The following RIT2 variants were observed in gnomAD, a reference collection of about 807,000 sequenced individuals.
The protein encoded by RIT2 is GTP-binding protein Rit2.
Under a neutral mutation model 23.7 loss-of-function variants are expected in RIT2, and 24 were observed. The ratio of observed to expected loss-of-function variants is 1.01; its 90% CI spans 0.73 to 1.43. The LOEUF is 1.43. Among genes scored for constraint, RIT2 ranks in the 40% most tolerant of loss-of-function variants. RIT2 has a pLI of 0.00. For synonymous variants in RIT2, 107 were observed against 91.1 expected (o/e 1.17, Z -0.99); for missense variants, 236 against 266.9 (o/e 0.88, Z 0.81).
intron 3 of RIT2, among the ~76,000 whole-genome samples, chr18:42,935,878 T>C (rs1909442640): frequency 6.6e-6 from 1 of 152,146 alleles, no homozygotes. Flanking sequence ...CTATCCACTA[T>C]GCGGATGAAG....
At chr18:42,888,839 T>C (rs1278383069) in intron 4 of RIT2, among the ~76,000 whole-genome samples, 2 of 152,070 alleles carry the variant, frequency 1.3e-5, no homozygotes, top group South Asian at 2.1e-4. Flanking sequence ...TGTTCTCACT[T>C]GTAATTGGGA....
At chr18:42,755,151 T>C (rs1453631355) in intron 4 of RIT2, among the ~76,000 whole-genome samples, 2 of 152,172 alleles carry the variant, frequency 1.3e-5, no homozygotes, top group Non-Finnish European at 2.9e-5. Flanking sequence ...GTCTGTTCAC[T>C]GTCTGAAAAA....
At chr18:43,075,487 G>A (rs992688954) in intron 1 of RIT2, among the ~76,000 whole-genome samples, 10 of 152,150 alleles carry the variant, frequency 6.6e-5, no homozygotes, top group East Asian at 3.9e-4. Flanking sequence ...GAGAGGCTTC[G>A]ATACAACCAG....
intron 4 of RIT2, among the ~76,000 whole-genome samples, chr18:42,810,181 A>T (rs1239880467): frequency 6.6e-6 from 1 of 151,092 alleles, no homozygotes; most frequent in Non-Finnish European, 1.5e-5. Context: ...ATTATTTAAG[A>T]ATTGTAAGGT....
chr18:43,039,550 G>A (rs1166431608), intron 1 of RIT2, among the ~76,000 whole-genome samples: 1 of 151,948 alleles, frequency 6.6e-6, no homozygotes, highest in Non-Finnish European at 1.5e-5. Flanking sequence ...GTTTCTCCGT[G>A]TTGGTCAGGC....
chr18:42,932,851 G>GT (rs5824458), intron 3 of RIT2, among the ~76,000 whole-genome samples: 60,369 of 150,686 alleles, frequency 0.4, 15,557 homozygotes, highest in Non-Finnish European at 0.58. Context: ...TATTCTTCCT[G>GT]TTTTTTTTTA....
At chr18:43,095,706 A>G (rs891360707) in intron 1 of RIT2, among the ~76,000 whole-genome samples, 3 of 152,010 alleles carry the variant, frequency 2.0e-5, no homozygotes, top group Non-Finnish European at 4.4e-5. Flanking sequence ...TATCTGCAGT[A>G]TAACTGCACT....
In RIT2 at chr18:43,110,451, C is replaced by T. The variant is rs147358767; in HGVS notation, c.103+4966G>A. 9.9e-3 allele frequency among the ~76,000 whole-genome samples: 1,506 copies of T among 152,218 alleles called. 10 individuals are homozygous for T. The highest frequency in any genetic ancestry group is 0.014 in the Admixed American group (217 of 15,284). ...CCAAGGAAGACAATATTTCATCATG[C>T]TCTGGCATTGAGGAACGGCCTTGCT... is the stretch of plus-strand genomic sequence containing the variant. On this transcript the variant is annotated intron_variant, in intron 1 of 4. Coordinates refer to ENST00000326695, the MANE Select transcript of RIT2 (RefSeq NM_002930.4).
At chr18:43,013,922 G>A (rs973207088) in intron 2 of RIT2, among the ~76,000 whole-genome samples, 6 of 151,714 alleles carry the variant, frequency 4.0e-5, no homozygotes, top group East Asian at 1.9e-4. Context: ...TGCTGCCATC[G>A]TTGAGTCATT....
intron 2 of RIT2, among the ~76,000 whole-genome samples, chr18:42,993,361 C>T (rs1419340241): frequency 6.6e-6 from 1 of 152,166 alleles, no homozygotes; most frequent in Admixed American, 6.5e-5. Flanking sequence ...TGACACTGCC[C>T]GATTGCCTCG....
rs186592395 is a variant in RIT2 at position 43,054,209 on chromosome 18, A to G, written c.104-20342T>C. ...CGCTAGATTGTGCAGCTGGGTCAGT[A>G]TCAATATCCTTTCTGATAAAAATGA... On this transcript the variant is annotated intron_variant, in intron 1 of 4. Coordinates refer to ENST00000326695, the MANE Select transcript of RIT2 (RefSeq NM_002930.4). Among the ~76,000 whole-genome samples the G allele has an allele frequency of 2.9e-3, 442 of 152,228 alleles. 2 individuals are homozygous for G. The highest frequency in any genetic ancestry group is 9.9e-3 in the African/African-American group (413 of 41,550).
chr18:42,835,868 A>G (rs920433428), intron 4 of RIT2, among the ~76,000 whole-genome samples: 4 of 152,190 alleles, frequency 2.6e-5, no homozygotes, highest in Non-Finnish European at 5.9e-5. Context: ...TAAAAATAGT[A>G]AATTGATATT....
At chr18:43,038,211 A>G (rs1382706889) in intron 1 of RIT2, among the ~76,000 whole-genome samples, 1 of 150,568 alleles carries the variant, frequency 6.6e-6, no homozygotes, top group East Asian at 1.9e-4. Flanking sequence ...TCTCAAAAAA[A>G]AAAAAAAGCA....
intron 4 of RIT2, among the ~76,000 whole-genome samples, chr18:42,879,094 G>A (rs1000664801): frequency 2.6e-5 from 4 of 151,892 alleles, no homozygotes; most frequent in East Asian, 1.9e-4. Context: ...TTACCAAGTC[G>A]ATCTTTTTAA....
At chr18:42,914,685 T>G (rs1908859964) in intron 4 of RIT2, among the ~76,000 whole-genome samples, 1 of 151,802 alleles carries the variant, frequency 6.6e-6, no homozygotes. Context: ...CAGAGTTGAG[T>G]GTCTTGATTA....
chr18:42,949,533 T>C (rs932797911), intron 3 of RIT2, among the ~76,000 whole-genome samples: 1 of 152,086 alleles, frequency 6.6e-6, no homozygotes, highest in Admixed American at 6.6e-5. Context: ...CTTGCAGAAA[T>C]ATGTTTTGTG....
rs184843718 is a variant in RIT2, at chr18:42,859,468, T to G, written c.426+64104A>C. 5.8e-3 allele frequency among the ~76,000 whole-genome samples: 891 copies of G among 152,324 alleles called. 24 individuals carry two copies. The highest frequency in any genetic ancestry group is 0.046 in the Admixed American group (696 of 15,294). On this transcript the variant is annotated intron_variant, in intron 4 of 4. Coordinates refer to ENST00000326695, the MANE Select transcript of RIT2 (RefSeq NM_002930.4). ...CTGGATAAAAGTCTCTTAAAAGATA[T>G]GTGATTTTTCCAATATTTTCTTTCA...
At chr18:42,756,180 T>G (rs1033756902) in intron 4 of RIT2, among the ~76,000 whole-genome samples, 1 of 152,160 alleles carries the variant, frequency 6.6e-6, no homozygotes, top group Admixed American at 6.6e-5. Flanking sequence ...TGAAATTTGT[T>G]AGGAACCCAT....
chr18:43,077,826 T>A (rs1437789546), intron 1 of RIT2, among the ~76,000 whole-genome samples: 1 of 152,204 alleles, frequency 6.6e-6, no homozygotes, highest in African/African-American at 2.4e-5. Context: ...AACAGTAATG[T>A]CTAGAGCAGG....
Sources: allele counts gnomAD v4.1 joint callset (sites outside exome capture counted in the v4.1 genomes callset), GRCh38; gene constraint gnomAD v4.1.1; transcripts MANE v1.5; gene names NCBI Gene and HGNC (gene_info 2026-07-23, HGNC 2026-07-21).